Variants in CEP350 observed in about 807,000 individuals in gnomAD.
CEP350 encodes centrosomal protein 350.
CEP350 carries 126 observed loss-of-function variants against 331.8 expected under a neutral mutation model. That is an observed-to-expected ratio of 0.38 (90% CI 0.33 to 0.44). The LOEUF is 0.44. Among genes scored for constraint, CEP350 ranks in the 20% least tolerant of loss-of-function variants. The pLI is 1.00. For missense variants in CEP350, 3,406 were observed against 3,634.6 expected (o/e 0.94, Z 1.62); for synonymous variants, 1,200 against 1,259.5 (o/e 0.95, Z 1.00).
At chr1:180,054,352 G>T in intron 24 of CEP350, 63 bp from the exon 25 acceptor site, 2 of 1,322,966 alleles carry the variant, frequency 1.5e-6, no homozygotes, top group South Asian at 2.6e-5. Flanking sequence ...AAGAATTCTT[G>T]ACATTATTCA....
intron 1 of CEP350, among the ~76,000 whole-genome samples, chr1:179,977,870 T>C (rs981265424): frequency 9.9e-5 from 15 of 151,760 alleles, no homozygotes; most frequent in Non-Finnish European, 1.0e-4. Context: ...AGCAATAGTT[T>C]ATATCCTTAT....
At chr1:180,110,459 T>C (rs866590034) in intron 37 of CEP350, among the ~76,000 whole-genome samples, 3 of 152,348 alleles carry the variant, frequency 2.0e-5, no homozygotes, top group Middle Eastern at 3.4e-3. Flanking sequence ...TGGACTGTGA[T>C]GCAGATGATT....
intron 31 of CEP350, among the ~76,000 whole-genome samples, chr1:180,085,258 C>T (rs1659799061): frequency 6.6e-6 from 1 of 152,110 alleles, no homozygotes; most frequent in East Asian, 1.9e-4. Flanking sequence ...TCCCCCAAGC[C>T]GTAGCAGCCT....
chr1:180,015,709 A>T, intron 10 of CEP350, 140 bp from the exon 11 acceptor site: 2 of 1,030,624 alleles, frequency 1.9e-6, no homozygotes, highest in South Asian at 1.8e-5. Flanking sequence ...AATAAATTTT[A>T]ATTGGTTTTG....
At position 180,093,866 on chromosome 1, in the gene CEP350, A is replaced by C. The variant is rs146986209; in HGVS notation, c.7761A>C (p.Arg2587=). 2.0e-4 allele frequency: 319 copies of C among 1,613,898 alleles called. No individual in the cohort carries two copies. The highest frequency in any genetic ancestry group is 1.8e-3 in the African/African-American group (133 of 75,052). The change falls in exon 34 of 38, where the codon CGA becomes CGC. Residue 2587 remains arginine (R), a synonymous_variant. Transcript: ENST00000367607. ...NEDEDCYSDE[R]YQCYNQEQND... Reference sequence around the variant, plus strand: ...ATGAAGACTGTTACTCAGATGAACGATATCAGTGCTATAATCAAGAGCAAA... The same window carrying C: ...ATGAAGACTGTTACTCAGATGAACGCTATCAGTGCTATAATCAAGAGCAAA...
In CEP350 at chr1:179,976,265, T is replaced by A. The variant is rs536389903; in HGVS notation, c.-13-9904T>A. On this transcript the variant is annotated intron_variant, in intron 1 of 37. Transcript: ENST00000367607. ...ATAGCTTTTTAGACTATACTCCAAT[T>A]TTTGGTTTAAAAAACATAGACTTTT... Among the ~76,000 whole-genome samples the A allele has an allele frequency of 5.6e-3, 858 of 152,202 alleles. 6 individuals are homozygous for A. Among genetic ancestry groups the A allele is most frequent in the Non-Finnish European group, 8.9e-3 (608 of 68,012 alleles).
Position 179,991,667 on chromosome 1 carries a change from ATGTGTGTGTGTG to A in CEP350, c.236-365_236-354del, listed in dbSNP as rs751570955. Reference sequence around the variant, plus strand: ...TAAACTGTGATATGTATATATATATATGTGTGTGTGTGTGTGTGTGTGTGTGTGTGTGTGTGT... The same window carrying A: ...TAAACTGTGATATGTATATATATATATGTGTGTGTGTGTGTGTGTGTGTGT... On this transcript the variant is annotated intron_variant, in intron 4 of 37. Transcript: ENST00000367607. 0.011 allele frequency among the ~76,000 whole-genome samples: 994 copies of A among 90,210 alleles called. 55 individuals carry two copies. The Admixed American group carries it at 0.12, about 11-fold the overall frequency. The allele number at this position is 90,210 out of a possible 152,430, so 59.2% of individuals were successfully genotyped here.
intron 11 of CEP350, among the ~76,000 whole-genome samples, chr1:180,018,857 CT>C (rs5779042): frequency 4.6e-4 from 66 of 142,090 alleles, no homozygotes; most frequent in African/African-American, 7.6e-4. Context: ...CTCTTTCTTT[CT>C]TTTTTTTTTT....
At chr1:180,100,505 A>G (rs532653125) in intron 37 of CEP350, among the ~76,000 whole-genome samples, 3 of 152,364 alleles carry the variant, frequency 2.0e-5, no homozygotes, top group East Asian at 3.9e-4. Flanking sequence ...TCACCTCTGT[A>G]TATACATTGA....
chr1:180,110,092 TTAAAA>T (rs547885310), intron 37 of CEP350, among the ~76,000 whole-genome samples: 171 of 152,332 alleles, frequency 1.1e-3, no homozygotes, highest in African/African-American at 3.7e-3. Flanking sequence ...AACAGTGACT[TTAAAA>T]TAAACTTCAG....
intron 25 of CEP350, among the ~76,000 whole-genome samples, chr1:180,057,599 T>G (rs1657941249): frequency 6.6e-6 from 1 of 151,992 alleles, no homozygotes; most frequent in Non-Finnish European, 1.5e-5. Flanking sequence ...CACAGTTATA[T>G]AAATAACTGC....
chr1:180,091,023 G>C (rs976344949), intron 33 of CEP350, among the ~76,000 whole-genome samples: 1 of 147,048 alleles, frequency 6.8e-6, no homozygotes, highest in Non-Finnish European at 1.5e-5. Context: ...TTTTTTGTTC[G>C]AGACAGGGTC....
chr1:180,008,819 A>G (rs1019822283), intron 8 of CEP350, among the ~76,000 whole-genome samples: 4 of 152,166 alleles, frequency 2.6e-5, no homozygotes, highest in Non-Finnish European at 5.9e-5. Flanking sequence ...CCACCAGGGC[A>G]AAACTGATGG....
chr1:180,065,166 C>G lies in CEP350; in HGVS notation c.5461C>G (p.Pro1821Ala), dbSNP rs1483041458. The change falls in exon 27 of 38, where the codon CCA becomes GCA. Residue 1821 changes from proline to alanine, a missense_variant. By Grantham distance (27) the Pro-to-Ala change is conservative. Around this residue, in one of 5 missense-constraint regions of CEP350, gnomAD observed 1,415 missense variants for 1,512.3 expected, o/e 0.94. Transcript: ENST00000367607. ...GGATAATAAGGCAACCAGTCCTGGT[C>G]CAACTGACTTGGAGACCCGCAGTCC... ...TKDNKATSPG[P>A]TDLETRSPSP... 1 of 1,613,404 alleles carries G rather than the reference C, an allele frequency of 6.2e-7. No homozygotes were observed. Among genetic ancestry groups the G allele is most frequent in the East Asian group, 2.2e-5 (1 of 44,840 alleles).
chr1:179,993,867 C>A (rs1317949103), intron 5 of CEP350, among the ~76,000 whole-genome samples: 1 of 152,160 alleles, frequency 6.6e-6, no homozygotes, highest in Non-Finnish European at 1.5e-5. Flanking sequence ...GGAAAAATGA[C>A]CAGATCTGTT....
intron 37 of CEP350, among the ~76,000 whole-genome samples, chr1:180,099,404 G>A (rs562069955): frequency 2.6e-5 from 4 of 152,124 alleles, no homozygotes; most frequent in Admixed American, 6.5e-5. Flanking sequence ...AATTAAATAA[G>A]TATATGTGTA....
At chr1:180,074,983 GT>G in intron 27 of CEP350, 38 bp from the exon 28 acceptor site, 2 of 1,549,582 alleles carry the variant, frequency 1.3e-6, no homozygotes, top group Admixed American at 2.1e-5. Flanking sequence ...CTGCATATAG[GT>G]TTTTTCTCTC....
Position 180,048,602 on chromosome 1 carries a change from A to G in CEP350, c.4689A>G (p.Lys1563=). The change falls in exon 22 of 38, where the codon AAA becomes AAG. Residue 1563 remains lysine, a synonymous_variant. Transcript: ENST00000367607. ...SVPSCKENEK[K]LNGEKIESSI... is the part of the protein sequence containing the mutation. ...CATCTTGTAAGGAAAATGAGAAGAA[A>G]CTTAATGGTGAAAAGATAGAGAGTT... is the stretch of plus-strand genomic sequence containing the variant. 1 of 1,610,922 alleles carries G rather than the reference A, an allele frequency of 6.2e-7. No homozygotes were observed. Among genetic ancestry groups the G allele is most frequent in the East Asian group, 2.2e-5 (1 of 44,856 alleles).
At chr1:179,956,262 A>G (rs1650161707) in intron 1 of CEP350, among the ~76,000 whole-genome samples, 1 of 152,210 alleles carries the variant, frequency 6.6e-6, no homozygotes, top group African/African-American at 2.4e-5. Context: ...AATCATTTGA[A>G]CTGTCAGTGC....
Sources: allele counts gnomAD v4.1 joint callset (sites outside exome capture counted in the v4.1 genomes callset), GRCh38; gene constraint gnomAD v4.1.1; regional missense constraint gnomAD v4.1.1; transcripts MANE v1.5; gene names NCBI Gene and HGNC (gene_info 2026-07-23, HGNC 2026-07-21).